MST1R: variants seen among roughly 807,000 people sequenced by gnomAD.
MST1R encodes macrophage stimulating 1 receptor.
Under a neutral mutation model 117.8 loss-of-function variants are expected in MST1R, and 99 were observed. The observed-to-expected ratio is 0.84, with a 90% confidence interval of 0.71 to 0.99. The LOEUF is 0.99. MST1R is among the 50% of genes least tolerant of loss of function. The pLI, the probability that MST1R is intolerant of heterozygous loss-of-function variation, is 0.00. For synonymous variants in MST1R, 734 were observed against 765.3 expected (o/e 0.96, Z 0.68); for missense variants, 1,683 against 1,840.2 (o/e 0.91, Z 1.56).
chr3:49,891,699 A>G, intron 15 of MST1R, 59 bp downstream of exon 15: 1 of 1,610,324 alleles, frequency 6.2e-7, no homozygotes, highest in East Asian at 2.2e-5. Context: ...ACACAGAGAA[A>G]AAGAATCCTC....
At chr3:49,900,855 T>C (rs184552505) in intron 1 of MST1R, among the ~76,000 whole-genome samples, 94 of 152,292 alleles carry the variant, frequency 6.2e-4, no homozygotes, top group African/African-American at 1.8e-3. Flanking sequence ...CAATGTCCCA[T>C]GGAGGACAGG....
chr3:49,898,133 C>T lies in MST1R; in HGVS notation c.1798G>A (p.Gly600Ser). Residue 600 changes from glycine (G) to serine (S), a missense_variant, in exon 5 of 20, where the codon GGT becomes AGT. Transcript: ENST00000296474. ...CGSNFYLHPS[G>S]LVPEGTHQVT... is the part of the protein sequence containing the mutation. ...TGATGGGTTCCCTCAGGCACCAGAC[C>T]AGAAGGGTGAAGGTAGAAGTTGGAG... 6.2e-7 allele frequency: 1 copy of T among 1,614,074 alleles called. No individual in the cohort carries two copies. Among genetic ancestry groups the T allele is most frequent in the Non-Finnish European group, 8.5e-7 (1 of 1,180,024 alleles).
intron 15 of MST1R, 26 bp from the exon 16 acceptor site, chr3:49,891,606 A>T: frequency 6.2e-7 from 1 of 1,612,604 alleles, no homozygotes. Context: ...AGTCAGGCAC[A>T]GGGCAGGGCG....
In MST1R at chr3:49,903,650, G is replaced by T. The variant is rs2108517377; in HGVS notation, c.-41C>A. 1 of 1,524,464 alleles carries T rather than the reference G, an allele frequency of 6.6e-7. No individual in the cohort carries two copies. Among genetic ancestry groups the T allele is most frequent in the Non-Finnish European group, 8.7e-7 (1 of 1,144,260 alleles). The allele number at this position is 1,524,464 out of a possible 1,614,324, so 94.4% of individuals were successfully genotyped here. On this transcript the variant is annotated 5_prime_UTR_variant, in exon 1 of 20. Coordinates refer to ENST00000296474, the MANE Select transcript of MST1R (RefSeq NM_002447.4). Reference sequence around the variant, plus strand: ...CCCTAGAGGATCCCTACCGGCCTGGGCCTGGACCTGGGCGTGGGCCTGGCT... The same window carrying T: ...CCCTAGAGGATCCCTACCGGCCTGGTCCTGGACCTGGGCGTGGGCCTGGCT...
Position 49,903,479 on chromosome 3 carries a change from TACTTC to T in MST1R, c.126_130del (p.Lys43ArgfsTer23), listed in dbSNP as rs1432090795. 3.7e-6 allele frequency: 6 copies of T among 1,612,878 alleles called. No homozygotes were observed. The highest frequency in any genetic ancestry group is 4.2e-6 in the Non-Finnish European group (5 of 1,179,988). The stretch of plus-strand genomic sequence containing the variant: ...TCCGGCGGAGAAGCTGGGCACCACG[TACTTC>T]ACGTCAAAGTCGCGAGAGGCCGCGT... On this transcript the variant is annotated frameshift_variant, in exon 1 of 20. Coordinates refer to ENST00000296474, the MANE Select transcript of MST1R (RefSeq NM_002447.4). LOFTEE classifies it high-confidence loss of function.
rs1455821859 is a variant in MST1R at position 49,890,729 on chromosome 3, A to T, written c.3645-79T>A. On this transcript the variant is annotated intron_variant, in intron 17 of 19. Coordinates refer to ENST00000296474, the MANE Select transcript of MST1R (RefSeq NM_002447.4). ...CCCACCTGTTCTAGGCCCTTACAGA[A>T]TTTTTTTTTTTTTTGAGACGGAGTC... The T allele has an allele frequency of 9.6e-6, 11 of 1,151,504 alleles. No individual in the cohort carries two copies. In the East Asian group the frequency reaches 1.8e-4, roughly 18 times the overall value. The allele number at this position is 1,151,504 out of a possible 1,614,324, so 71.3% of individuals were successfully genotyped here.
intron 19 of MST1R, among the ~76,000 whole-genome samples, chr3:49,888,546 G>C (rs1198447830): frequency 6.6e-6 from 1 of 151,410 alleles, no homozygotes; most frequent in South Asian, 2.1e-4. Flanking sequence ...AGGTTGCAGT[G>C]AGCCAACATT....
At chr3:49,897,753 A>G in intron 5 of MST1R, 68 bp from the exon 6 acceptor site, 2 of 1,529,832 alleles carry the variant, frequency 1.3e-6, no homozygotes, top group Non-Finnish European at 1.8e-6. Context: ...GCCTGCCACA[A>G]GCCACAGGGC....
Position 49,891,433 on chromosome 3 carries a change from C to T in MST1R, c.3500G>A (p.Gly1167Asp). The change falls in exon 16 of 20, where the codon GGT becomes GAT. Residue 1167 changes from glycine to aspartate, a missense_variant. Transcript: ENST00000296474. ...TGAGCGGATGAACTGGAGCAGGTCA[C>T]CGTGGCACATATAGGGCAGCAGCAC... ...PHVLLPYMCH[G>D]DLLQFIRSPQ... The T allele has an allele frequency of 6.2e-7, 1 of 1,614,034 alleles. No homozygotes were observed. The highest frequency in any genetic ancestry group is 8.5e-7 in the Non-Finnish European group (1 of 1,180,036).
At chr3:49,894,662 C>G (rs1235681358) in intron 14 of MST1R, among the ~76,000 whole-genome samples, 4 of 152,202 alleles carry the variant, frequency 2.6e-5, no homozygotes, top group Non-Finnish European at 5.9e-5. Context: ...TGATCCACAC[C>G]AGAACCCACT....
intron 1 of MST1R, among the ~76,000 whole-genome samples, chr3:49,899,761 T>TG (rs1214214774): frequency 2.6e-5 from 4 of 151,564 alleles, no homozygotes; most frequent in South Asian, 4.2e-4. Flanking sequence ...TTAGTAGAGA[T>TG]GGGGGTTTCA....
intron 14 of MST1R, among the ~76,000 whole-genome samples, chr3:49,892,349 G>A: frequency 6.6e-6 from 1 of 151,484 alleles, no homozygotes; most frequent in Non-Finnish European, 1.5e-5. Context: ...AAGGCGGGTG[G>A]ATCACGAGGT....
At chr3:49,899,538 T>G in intron 1 of MST1R, 1 of 251,132 alleles carries the variant, frequency 4.0e-6, no homozygotes, top group Non-Finnish European at 7.6e-6. Flanking sequence ...CCCCATTCCA[T>G]CCTCACAACC....
chr3:49,903,600 G>A lies in MST1R; in HGVS notation c.10C>T (p.Leu4Phe), dbSNP rs751353371. 4 of 1,561,806 alleles carry A rather than the reference G, an allele frequency of 2.6e-6. No individual in the cohort carries two copies. In the Admixed American group the frequency reaches 6.9e-5, roughly 27 times the overall value. MEL[L>F]PPLPQSFLLL... ...AGGAAGGACTGAGGCAGCGGCGGGA[G>A]GAGCTCCATCGAGGCGAGCTGGGAC... is the stretch of plus-strand genomic sequence containing the variant. The change falls in exon 1 of 20, where the codon CTC becomes TTC. Residue 4 changes from leucine (L) to phenylalanine (F), a missense_variant. Leu to Phe is a conservative substitution (Grantham distance 22). Transcript: ENST00000296474.
Position 49,896,604 on chromosome 3 carries a change from T to C in MST1R, c.2375A>G (p.His792Arg). The change falls in exon 9 of 20, where the codon CAT (histidine) becomes CGT (arginine). Residue 792 changes from histidine (H) to arginine (R), a missense_variant. Transcript: ENST00000296474. ...INSHITICGQ[H>R]LTSAWHLVLS... ...CACTAAGTGCCATGCTGAAGTTAGATGCTGGCCACAGATGGTGATGTGGGA... is the reference window on the plus strand; with the variant it reads ...CACTAAGTGCCATGCTGAAGTTAGACGCTGGCCACAGATGGTGATGTGGGA... The C allele has an allele frequency of 1.2e-6, 2 of 1,614,178 alleles. No individual in the cohort carries two copies. The highest frequency in any genetic ancestry group is 1.7e-6 in the Non-Finnish European group (2 of 1,180,016).
chr3:49,900,128 C>T (rs1318259375), intron 1 of MST1R, among the ~76,000 whole-genome samples: 1 of 152,186 alleles, frequency 6.6e-6, no homozygotes, highest in Non-Finnish European at 1.5e-5. Context: ...GGGACATGGT[C>T]CTTCTCCCTA....
At chr3:49,898,329 T>C in intron 4 of MST1R, 118 bp from the exon 5 acceptor site, 1 of 1,428,938 alleles carries the variant, frequency 7.0e-7, no homozygotes, top group South Asian at 1.3e-5. Flanking sequence ...CCATTTGGAG[T>C]CACTTGCATT....
intron 5 of MST1R, 64 bp from the exon 6 acceptor site, chr3:49,897,749 C>T: frequency 6.5e-7 from 1 of 1,531,344 alleles, no homozygotes; most frequent in South Asian, 1.3e-5. Flanking sequence ...GCATGCCTGC[C>T]ACAAGCCACA....
intron 14 of MST1R, among the ~76,000 whole-genome samples, chr3:49,892,278 A>T (rs1458826026): frequency 6.6e-6 from 1 of 151,768 alleles, no homozygotes; most frequent in African/African-American, 2.4e-5. Flanking sequence ...CTGACATTTT[A>T]AAAAAGCAGC....
Sources: allele counts gnomAD v4.1 joint callset (sites outside exome capture counted in the v4.1 genomes callset), GRCh38; gene constraint gnomAD v4.1.1; transcripts MANE v1.5; gene names NCBI Gene and HGNC (gene_info 2026-07-23, HGNC 2026-07-21).